The following MAP7 variants were observed in gnomAD, a reference collection of about 807,000 sequenced individuals.
MAP7 encodes the protein ensconsin.
A neutral mutation model predicts 94.8 loss-of-function variants in MAP7; 52 were observed. The observed-to-expected ratio is 0.55, with a 90% CI of 0.44 to 0.69. The LOEUF (loss-of-function observed/expected upper bound fraction) is 0.69, where lower values mean the gene tolerates loss of function less well. Among genes scored for constraint, MAP7 ranks in the 30% least tolerant of loss-of-function variants. The pLI, the probability that MAP7 is intolerant of heterozygous loss-of-function variation, is 0.00. For synonymous variants in MAP7, 350 were observed against 357.0 expected, an observed-to-expected ratio of 0.98 and a Z score of 0.22; for missense variants, 940 against 964.6, an observed-to-expected ratio of 0.97 and a Z score of 0.34.
intron 8 of MAP7, among the ~76,000 whole-genome samples, chr6:136,367,993 T>C (rs1269613608): frequency 6.6e-6 from 1 of 151,882 alleles, no homozygotes; most frequent in Non-Finnish European, 1.5e-5. Context: ...GTGGGGGTGG[T>C]TGGGGATTAT....
intron 1 of MAP7, among the ~76,000 whole-genome samples, chr6:136,464,008 G>A (rs1210775741): frequency 6.6e-6 from 1 of 152,176 alleles, no homozygotes; most frequent in Non-Finnish European, 1.5e-5. Flanking sequence ...TATGTGGAAG[G>A]GGCTGCCCTC....
intron 16 of MAP7, among the ~76,000 whole-genome samples, chr6:136,354,546 G>C (rs974541539): frequency 2.7e-5 from 4 of 150,380 alleles, no homozygotes; most frequent in African/African-American, 9.7e-5. Context: ...TTTCATATTA[G>C]GCTTATTCTT....
At chr6:136,456,767 G>GAAGAAGAAGAAGAAGAAGAA (rs1803062275) in intron 1 of MAP7, among the ~76,000 whole-genome samples, 10 of 60,594 alleles carry the variant, frequency 1.7e-4, no homozygotes, top group African/African-American at 6.5e-4. Context: ...AGGAGGAGGA[G>GAAGAAGAAGAAGAAGAAGAA]GAAGAAGAAG....
intron 1 of MAP7, among the ~76,000 whole-genome samples, chr6:136,543,987 T>C (rs1829530276): frequency 6.6e-6 from 1 of 152,124 alleles, no homozygotes; most frequent in Admixed American, 6.5e-5. Context: ...GGTGCTACCA[T>C]CTCGGCTCAC....
intron 3 of MAP7, among the ~76,000 whole-genome samples, chr6:136,404,096 T>C (rs1784936832): frequency 6.6e-6 from 1 of 152,202 alleles, no homozygotes; most frequent in African/African-American, 2.4e-5. Flanking sequence ...AAGTCTCTTG[T>C]TAAAACCAAC....
At chr6:136,374,047 G>C (rs1775352925) in intron 7 of MAP7, among the ~76,000 whole-genome samples, 1 of 152,200 alleles carries the variant, frequency 6.6e-6, no homozygotes, top group Non-Finnish European at 1.5e-5. Flanking sequence ...GCTCACTGCA[G>C]CCTTGACAGT....
Position 136,359,972 on chromosome 6 carries a change from TG to T in MAP7, c.1854+8del. The T allele has an allele frequency of 6.2e-7, 1 of 1,613,148 alleles. No homozygotes were observed. The highest frequency in any genetic ancestry group is 8.5e-7 in the Non-Finnish European group (1 of 1,179,638). On this transcript the variant is annotated splice_region_variant and intron_variant, in intron 14 of 17. Coordinates refer to ENST00000354570, the MANE Select transcript of MAP7 (RefSeq NM_003980.6). ...TACAAAAGTAGTTAGAAAACGGCCA[TG>T]TCAATACCTTATCTGTAGCTTCTGT...
chr6:136,524,754 C>T (rs75993879), intron 1 of MAP7, among the ~76,000 whole-genome samples: 3,796 of 152,222 alleles, frequency 0.025, 166 homozygotes, highest in African/African-American at 0.086. Flanking sequence ...AAAAAGAAAA[C>T]GAGTCCTCAG....
intron 1 of MAP7, among the ~76,000 whole-genome samples, chr6:136,501,557 A>C (rs964608714): frequency 1.3e-5 from 2 of 152,154 alleles, no homozygotes; most frequent in African/African-American, 2.4e-5. Flanking sequence ...TGGAAATGGA[A>C]ATTTTTTCAG....
At chr6:136,434,779 G>A (rs1203656641) in intron 1 of MAP7, among the ~76,000 whole-genome samples, 1 of 152,186 alleles carries the variant, frequency 6.6e-6, no homozygotes, top group African/African-American at 2.4e-5. Context: ...GGTTTTACAA[G>A]CTCTGCCAAC....
In MAP7 at chr6:136,425,237, T is replaced by C. The variant is rs61063241; in HGVS notation, c.68-3438A>G. On this transcript the variant is annotated intron_variant, in intron 1 of 17. Coordinates refer to ENST00000354570, the MANE Select transcript of MAP7 (RefSeq NM_003980.6). The stretch of plus-strand genomic sequence containing the variant: ...TATTTCTGAAGTTTTCCATTTAATA[T>C]TTTTGGACTACAACTGACCGTAACT... Among the ~76,000 whole-genome samples the C allele has an allele frequency of 3.5e-3, 540 of 152,356 alleles. 4 individuals are homozygous for C. Among genetic ancestry groups the C allele is most frequent in the African/African-American group, 0.012 (504 of 41,580 alleles).
intron 1 of MAP7, among the ~76,000 whole-genome samples, chr6:136,456,822 G>GAAAGAAGAAGAAGAAGAAGAA (rs1554259490): frequency 1.4e-5 from 1 of 69,020 alleles, no homozygotes; most frequent in Non-Finnish European, 2.6e-5. Context: ...AGAAGAAGAA[G>GAAAGAAGAAGAAGAAGAAGAA]GAAGAAGAAG....
At chr6:136,399,591 C>A (rs900746380) in intron 3 of MAP7, among the ~76,000 whole-genome samples, 8 of 152,000 alleles carry the variant, frequency 5.3e-5, no homozygotes, top group Non-Finnish European at 1.0e-4. Context: ...TGGGCTCAAG[C>A]AATCCTCCTG....
chr6:136,403,648 C>T (rs558868110), intron 3 of MAP7, among the ~76,000 whole-genome samples: 1 of 152,316 alleles, frequency 6.6e-6, no homozygotes, highest in Non-Finnish European at 1.5e-5. Flanking sequence ...TTACAAGACC[C>T]CTTACTTTTC....
chr6:136,381,911 CACACACACAG>C (rs1415287863), intron 6 of MAP7, among the ~76,000 whole-genome samples: 2 of 146,910 alleles, frequency 1.4e-5, no homozygotes, highest in African/African-American at 5.0e-5. Context: ...CACACACACA[CACACACACAG>C]AGAGAGAGAG....
chr6:136,481,732 T>C (rs971469610), intron 1 of MAP7, among the ~76,000 whole-genome samples: 4 of 152,220 alleles, frequency 2.6e-5, no homozygotes, highest in African/African-American at 4.8e-5. Context: ...CAACAATTTA[T>C]TGTACATTTA....
chr6:136,360,837 G>A, intron 12 of MAP7, 39 bp from the exon 13 acceptor site: 1 of 1,606,344 alleles, frequency 6.2e-7, no homozygotes, highest in Non-Finnish European at 8.5e-7. Context: ...TGACAAACAG[G>A]CGGGCTGCCC....
chr6:136,432,701 C>T (rs917323059), intron 1 of MAP7, among the ~76,000 whole-genome samples: 5 of 152,044 alleles, frequency 3.3e-5, no homozygotes, highest in African/African-American at 9.7e-5. Context: ...AACTGTTCTA[C>T]AAATAAACCT....
intron 1 of MAP7, among the ~76,000 whole-genome samples, chr6:136,434,662 G>T (rs1238791474): frequency 6.6e-6 from 1 of 151,540 alleles, no homozygotes; most frequent in Non-Finnish European, 1.5e-5. Context: ...CCAAATAAGG[G>T]ATCTCAAATT....
Sources: allele counts gnomAD v4.1 joint callset (sites outside exome capture counted in the v4.1 genomes callset), GRCh38; gene constraint gnomAD v4.1.1; transcripts MANE v1.5; gene names NCBI Gene and HGNC (gene_info 2026-07-23, HGNC 2026-07-21).